FLNB: variants seen among roughly 807,000 people sequenced by gnomAD.
The protein encoded by FLNB is filamin B.
In FLNB, 111 loss-of-function variants were observed where a neutral mutation model predicts 250.6. That is an observed-to-expected ratio of 0.44 (90% CI 0.38 to 0.52). The LOEUF (loss-of-function observed/expected upper bound fraction) is 0.52, where lower values mean the gene tolerates loss of function less well. Ranked by LOEUF, FLNB falls within the 20% of genes least tolerant of loss-of-function variation. FLNB has a pLI of 0.00. For missense variants in FLNB, 2,869 were observed against 3,447.8 expected (o/e 0.83, Z 4.20); for synonymous variants, 1,302 against 1,372.1 (o/e 0.95, Z 1.13).
rs762871408 is a variant in FLNB, at chr3:58,159,558, C to T, written c.6893C>T (p.Ser2298Leu). 5 of 1,613,950 alleles carry T rather than the reference C, an allele frequency of 3.1e-6. No individual in the cohort carries two copies. Among genetic ancestry groups the T allele is most frequent in the African/African-American group, 2.7e-5 (2 of 74,914 alleles). The change falls in exon 42 of 46, where the codon TCG becomes TTG. Residue 2298 changes from serine to leucine, a missense_variant. Ser to Leu is a moderately radical substitution (Grantham distance 145, BLOSUM62 -2). Around this residue, in one of 5 missense-constraint regions of FLNB, gnomAD observed 1,084 missense variants for 1,315.5 expected, o/e 0.82. Transcript: ENST00000295956. ...TCTGATGTATTAAATTCTCAGGAAT[C>T]GGGATTAAAAGTTAACCAGCCAGCA... The part of the protein sequence containing the change: ...RRLTVMSLQE[S>L]GLKVNQPASF...
intron 22 of FLNB, 91 bp from the exon 23 acceptor site, chr3:58,125,490 G>C: frequency 7.1e-7 from 1 of 1,414,638 alleles, no homozygotes; most frequent in East Asian, 2.3e-5. Context: ...TGCAGACTTC[G>C]ATGCTAGATG....
chr3:58,014,471 A>G (rs2106683258), intron 1 of FLNB, among the ~76,000 whole-genome samples: 1 of 152,374 alleles, frequency 6.6e-6, no homozygotes, highest in South Asian at 2.1e-4. Context: ...GAGTTCTCCC[A>G]GCAACGGCGG....
chr3:58,109,585 G>A lies in FLNB; in HGVS notation c.2209G>A (p.Gly737Arg), dbSNP rs745714160. Reference protein sequence around the residue: ...IPHSPYRVNIGQGSHPQKVKV... With the variant: ...IPHSPYRVNIRQGSHPQKVKV... ...TCCATGTCTTCTCTAGGTCAACATC[G>A]GGCAAGGTAGCCATCCTCAGAAGGT... Residue 737 changes from glycine (G) to arginine (R), a missense_variant, in exon 15 of 46, where the codon GGG becomes AGG. Transcript: ENST00000295956. 8.7e-6 allele frequency: 14 copies of A among 1,614,058 alleles called. No homozygotes were observed. The highest frequency in any genetic ancestry group is 3.3e-5 in the Admixed American group (2 of 59,996).
intron 1 of FLNB, among the ~76,000 whole-genome samples, chr3:58,048,671 T>A (rs982055157): frequency 6.6e-6 from 1 of 152,208 alleles, no homozygotes; most frequent in Non-Finnish European, 1.5e-5. Flanking sequence ...TGATTGTAAT[T>A]GGTAAGTAAT....
At chr3:58,091,005 G>T (rs1437617244) in intron 4 of FLNB, among the ~76,000 whole-genome samples, 1 of 151,974 alleles carries the variant, frequency 6.6e-6, no homozygotes. Flanking sequence ...ATGAACCCGG[G>T]AGGCAGAGCT....
At chr3:58,106,171 G>C (rs1277885423) in intron 11 of FLNB, among the ~76,000 whole-genome samples, 1 of 151,944 alleles carries the variant, frequency 6.6e-6, no homozygotes, top group Non-Finnish European at 1.5e-5. Flanking sequence ...TATAAAAACA[G>C]TGCTGACTGT....
chr3:58,008,596 A>G lies in FLNB; in HGVS notation c.32A>G (p.Asp11Gly). The G allele has an allele frequency of 6.2e-7, 1 of 1,609,108 alleles. No individual in the cohort carries two copies. The highest frequency in any genetic ancestry group is 8.5e-7 in the Non-Finnish European group (1 of 1,178,208). The stretch of plus-strand genomic sequence containing the variant: ...GTAACCGAGAAGGATCTAGCTGAGG[A>G]CGCGCCTTGGAAGAAGATCCAGCAG... MPVTEKDLAE[D>G]APWKKIQQNT... Residue 11 changes from aspartate to glycine, a missense_variant, in exon 1 of 46, where the codon GAC (aspartate) becomes GGC (glycine). This residue lies in a region of FLNB where 308 missense variants were observed against 466.1 expected (regional missense o/e 0.66). Coordinates refer to ENST00000295956, the MANE Select transcript of FLNB (RefSeq NM_001457.4).
chr3:58,124,395 G>A lies in FLNB; in HGVS notation c.3788G>A (p.Gly1263Asp), dbSNP rs1017971561. 6.2e-7 allele frequency: 1 copy of A among 1,614,202 alleles called. No homozygotes were observed. Among genetic ancestry groups the A allele is most frequent in the Non-Finnish European group, 8.5e-7 (1 of 1,180,034 alleles). Reference sequence around the variant, plus strand: ...TCTCGGCCGCTGACCCAGGTTGGGGGTGACCACATCAAGGCCCACATTGCC... The same window carrying A: ...TCTCGGCCGCTGACCCAGGTTGGGGATGACCACATCAAGGCCCACATTGCC... ...VDSRPLTQVG[G>D]DHIKAHIANP... The change falls in exon 22 of 46, where the codon GGT becomes GAT. Residue 1263 changes from glycine to aspartate, a missense_variant. Gly to Asp is a moderately conservative substitution (Grantham distance 94). Around this residue, in one of 5 missense-constraint regions of FLNB, gnomAD observed 1,348 missense variants for 1,466.7 expected, o/e 0.92. Transcript: ENST00000295956.
rs773157771 is a variant in FLNB at position 58,170,712 on chromosome 3, TG to T, written c.7765del (p.Glu2589ArgfsTer48). The T allele has an allele frequency of 6.2e-7, 1 of 1,613,938 alleles. No individual in the cohort carries two copies. Reference sequence around the variant, plus strand: ...GGGCGATTATGTGCTGGCTGTGAAGTGGGGGGAGGAACACATCCCTGGCAGC... The same window carrying T: ...GGGCGATTATGTGCTGGCTGTGAAGTGGGGGAGGAACACATCCCTGGCAGC... ...ERGDYVLAVK[W>X]GEEHIPGSPF... On this transcript the variant is annotated frameshift_variant, in exon 46 of 46. Coordinates refer to ENST00000295956, the MANE Select transcript of FLNB (RefSeq NM_001457.4). LOFTEE classifies it high-confidence loss of function.
chr3:58,059,662 T>G (rs1559664234), intron 1 of FLNB, among the ~76,000 whole-genome samples: 1 of 152,194 alleles, frequency 6.6e-6, no homozygotes, highest in Non-Finnish European at 1.5e-5. Context: ...TCAGGAATGT[T>G]AGAATGTGTT....
At chr3:58,148,114 G>A (rs1429596163) in intron 34 of FLNB, 92 bp from the exon 35 acceptor site, 28 of 1,288,972 alleles carry the variant, frequency 2.2e-5, no homozygotes, top group East Asian at 4.6e-5. Context: ...TAGTTCTTGC[G>A]TGTTCATCCG....
chr3:58,028,183 A>C (rs915064474), intron 1 of FLNB, among the ~76,000 whole-genome samples: 1 of 152,188 alleles, frequency 6.6e-6, no homozygotes, highest in African/African-American at 2.4e-5. Context: ...ACCATGTGCC[A>C]GGGGTGTAGA....
intron 19 of FLNB, 140 bp from the exon 20 acceptor site, chr3:58,121,100 CT>C: frequency 9.7e-7 from 1 of 1,034,920 alleles, no homozygotes; most frequent in East Asian, 2.4e-5. Flanking sequence ...AGCTTTGCTG[CT>C]TGTCCTCTGC....
chr3:58,032,885 T>C (rs1033215898), intron 1 of FLNB, among the ~76,000 whole-genome samples: 6 of 151,926 alleles, frequency 3.9e-5, no homozygotes, highest in Admixed American at 3.3e-4. Flanking sequence ...CTGGGCAACA[T>C]TGAGAGATCC....
intron 1 of FLNB, among the ~76,000 whole-genome samples, chr3:58,056,204 G>A (rs1003966048): frequency 3.3e-5 from 5 of 149,808 alleles, no homozygotes; most frequent in Non-Finnish European, 5.9e-5. Flanking sequence ...TGGGTTCAAG[G>A]GATTCTTCTG....
At chr3:58,009,678 G>A (rs1174327774) in intron 1 of FLNB, among the ~76,000 whole-genome samples, 1 of 152,174 alleles carries the variant, frequency 6.6e-6, no homozygotes, top group Admixed American at 6.5e-5. Context: ...AGGGGGTCCG[G>A]AGGGTTAATT....
At chr3:58,060,415 G>A (rs1052869158) in intron 1 of FLNB, among the ~76,000 whole-genome samples, 1 of 148,886 alleles carries the variant, frequency 6.7e-6, no homozygotes, top group East Asian at 2.0e-4. Flanking sequence ...GTGCAGTGGC[G>A]CAATCTCAGC....
chr3:58,125,902 C>A (rs1052740977), intron 23 of FLNB, among the ~76,000 whole-genome samples, 159 bp downstream of exon 23: 6 of 152,148 alleles, frequency 3.9e-5, no homozygotes, highest in African/African-American at 1.4e-4. Context: ...ACCAAGCATA[C>A]CTAAAAAACA....
intron 4 of FLNB, among the ~76,000 whole-genome samples, chr3:58,082,248 G>T (rs950292814): frequency 6.6e-6 from 1 of 152,172 alleles, no homozygotes; most frequent in Non-Finnish European, 1.5e-5. Context: ...TGACTGCGAG[G>T]CAGCTGCGGA....
Sources: gnomAD v4.1 joint callset for allele counts (sites outside exome capture counted in the v4.1 genomes callset) on GRCh38, gnomAD v4.1.1 for gene constraint, gnomAD v4.1.1 regional missense constraint, MANE v1.5 for transcripts, NCBI Gene and HGNC (gene_info 2026-07-23, HGNC 2026-07-21) for gene names.